Variants in SIAH1 observed in about 807,000 individuals in gnomAD.
SIAH1 encodes E3 ubiquitin-protein ligase SIAH1.
Under a neutral mutation model 20.0 loss-of-function variants are expected in SIAH1, and 2 were observed. The ratio of observed to expected loss-of-function variants is 0.10; its 90% CI spans 0.04 to 0.31. The LOEUF is 0.31. Ranked by LOEUF, SIAH1 falls within the 10% of genes least tolerant of loss-of-function variation. The pLI is 1.00. For missense variants in SIAH1, 119 were observed against 355.3 expected, an observed-to-expected ratio of 0.33 and a Z score of 5.35; for synonymous variants, 118 against 125.3, an observed-to-expected ratio of 0.94 and a Z score of 0.39.
upstream of SIAH1, among the ~76,000 whole-genome samples, chr16:48,386,697 G>A (rs1961475383): frequency 1.3e-5 from 2 of 152,180 alleles, no homozygotes; most frequent in African/African-American, 4.8e-5. Context: ...GGTCAATAGA[G>A]TTCGGTTCAC....
intron 1 of SIAH1, among the ~76,000 whole-genome samples, chr16:48,380,727 T>C (rs1041333859): frequency 2.6e-5 from 4 of 151,244 alleles, no homozygotes; most frequent in South Asian, 2.1e-4. Flanking sequence ...AGTTCGAGAC[T>C]GACCTGGCCA....
rs758711151 is a variant in SIAH1 at position 48,362,655 on chromosome 16, C to T, written c.-2-225G>A. 1.0e-5 allele frequency: 5 copies of T among 493,308 alleles called. No homozygotes were observed. The highest frequency in any genetic ancestry group is 1.9e-5 in the Non-Finnish European group (5 of 269,788). The allele number at this position is 493,308 out of a possible 1,614,324, so 30.6% of individuals were successfully genotyped here. A position where few individuals can be genotyped will look rare whatever the true frequency, so the allele number is the denominator to read the frequency against. On this transcript the variant is annotated intron_variant, in intron 1 of 1. Transcript: ENST00000394725. This position sits in a 1 kb window ranked among gnomAD's most constrained non-coding sequence, Gnocchi z 4.2. ...GATAAGCTCTCTTTTCAAAATGTTC[C>T]GGAAAACATGTGGAACTCCCTTAAT... is the stretch of plus-strand genomic sequence containing the variant.
intron 1 of SIAH1, among the ~76,000 whole-genome samples, chr16:48,366,503 C>T (rs1299732786): frequency 2.6e-5 from 4 of 152,184 alleles, no homozygotes; most frequent in Non-Finnish European, 5.9e-5. Flanking sequence ...CTACTTAAAC[C>T]TCCTAAGAGA....
At position 48,365,138 on chromosome 16, in the gene SIAH1, G is replaced by T. The variant is rs186430788; in HGVS notation, c.-2-2708C>A. On this transcript the variant is annotated intron_variant, in intron 1 of 1. Transcript: ENST00000394725. ...CAAGGGTGGAACCCAGCTCCATCTT[G>T]AAACAGAAAAGGAATCCCAACCACA... 1.7e-3 allele frequency: 734 copies of T among 437,348 alleles called. 2 individuals are homozygous for T. Among genetic ancestry groups the T allele is most frequent in the East Asian group, 1.9e-3 (52 of 27,258 alleles). 27.1% of individuals were successfully genotyped at this position (437,348 alleles called of 1,614,324 possible).
At chr16:48,386,911 G>A (rs1961478850), upstream of SIAH1, 2 of 152,226 alleles carry the variant, frequency 1.3e-5, no homozygotes, top group South Asian at 4.1e-4. Flanking sequence ...TTGCCAACGT[G>A]GCGATTAAAG....
At chr16:48,380,074 C>T (rs1961230757) in intron 1 of SIAH1, among the ~76,000 whole-genome samples, 1 of 152,172 alleles carries the variant, frequency 6.6e-6, no homozygotes, top group Non-Finnish European at 1.5e-5. Flanking sequence ...AGAAGAGAGG[C>T]AATGCCAGCT....
At chr16:48,372,960 C>T (rs891612892) in intron 1 of SIAH1, among the ~76,000 whole-genome samples, 3 of 151,098 alleles carry the variant, frequency 2.0e-5, no homozygotes, top group African/African-American at 7.4e-5. Context: ...TCACTGGGCT[C>T]CTGCCTAATA....
chr16:48,364,698 A>C (rs1960758532), intron 1 of SIAH1, among the ~76,000 whole-genome samples: 1 of 152,084 alleles, frequency 6.6e-6, no homozygotes, highest in Non-Finnish European at 1.5e-5. Context: ...TTGCCAAAAC[A>C]CCCTGGCTGT....
intron 1 of SIAH1, among the ~76,000 whole-genome samples, chr16:48,366,751 A>G (rs1960853466): frequency 6.6e-6 from 1 of 152,240 alleles, no homozygotes; most frequent in Non-Finnish European, 1.5e-5. Context: ...GGAATTGCAG[A>G]TTACCCACTT....
chr16:48,380,901 C>G (rs978389489), intron 1 of SIAH1, among the ~76,000 whole-genome samples: 3 of 108,500 alleles, frequency 2.8e-5, no homozygotes, highest in African/African-American at 1.1e-4. Context: ...TGCACTCCAG[C>G]CTGGGCGACA....
intron 1 of SIAH1, among the ~76,000 whole-genome samples, chr16:48,384,686 G>C (rs1044259136): frequency 1.9e-4 from 28 of 151,068 alleles, no homozygotes; most frequent in Non-Finnish European, 4.0e-4. Flanking sequence ...GAGGCCCGCC[G>C]AGCGGCGCGG....
chr16:48,371,572 A>G (rs1189749905), intron 1 of SIAH1, among the ~76,000 whole-genome samples: 1 of 152,266 alleles, frequency 6.6e-6, no homozygotes, highest in Non-Finnish European at 1.5e-5. Context: ...AGGAAAGAGC[A>G]GAGAAGAGCA....
chr16:48,370,713 G>C (rs1960961950), intron 1 of SIAH1, among the ~76,000 whole-genome samples: 1 of 151,914 alleles, frequency 6.6e-6, no homozygotes. Flanking sequence ...GACTGAGGCA[G>C]GAGAATGGCG....
In SIAH1 at chr16:48,362,319, C is replaced by T; in HGVS notation, c.110G>A (p.Ser37Asn). ...GTTASNNDLA[S>N]LFECPVCFDY... ...AAAGCAGACTGGACACTCAAAAAGA[C>T]TCGCCAAGTCATTGTTGGATGCAGT... The change falls in exon 2 of 2, where the codon AGT becomes AAT. Residue 37 changes from serine to asparagine, a missense_variant. Physicochemically the swap from Ser to Asn is conservative, Grantham distance 46. Around this residue, in one of 2 missense-constraint regions of SIAH1, gnomAD observed 35 missense variants for 47.5 expected, o/e 0.74. Coordinates refer to ENST00000394725, the MANE Select transcript of SIAH1 (RefSeq NM_003031.4). The surrounding 1 kb of genome is among the most constrained non-coding windows in gnomAD (Gnocchi z 4.2). 3 of 1,614,156 alleles carry T rather than the reference C, an allele frequency of 1.9e-6. No homozygotes were observed. Among genetic ancestry groups the T allele is most frequent in the Non-Finnish European group, 2.5e-6 (3 of 1,180,036 alleles).
At chr16:48,382,317 G>A (rs1961318339) in intron 1 of SIAH1, among the ~76,000 whole-genome samples, 1 of 152,038 alleles carries the variant, frequency 6.6e-6, no homozygotes, top group Admixed American at 6.6e-5. Flanking sequence ...AGCCCAGTTG[G>A]AGGCCACAAT....
At chr16:48,380,987 C>T (rs894186316) in intron 1 of SIAH1, among the ~76,000 whole-genome samples, 1 of 147,558 alleles carries the variant, frequency 6.8e-6, no homozygotes, top group African/African-American at 2.5e-5. Context: ...CAAATCCGGC[C>T]GAGGATACAG....
chr16:48,365,201 G>C, intron 1 of SIAH1: 1 of 614,572 alleles, frequency 1.6e-6, no homozygotes. Flanking sequence ...CAGCCCTGCA[G>C]AAGTCATGAC....
In SIAH1 at chr16:48,383,557, C is replaced by A. The variant is rs147975455; in HGVS notation, c.-3+1647G>T. On this transcript the variant is annotated intron_variant, in intron 1 of 1. Transcript: ENST00000394725. ...GATACACACTCAAGTATTCACTGTC[C>A]CACTTTTCTAAGTTGGTTAACTCAA... Among the ~76,000 whole-genome samples, 510 of 152,254 alleles carry A rather than the reference C, an allele frequency of 3.3e-3. 3 individuals carry two copies. Among genetic ancestry groups the A allele is most frequent in the Middle Eastern group, 0.014 (4 of 294 alleles).
intron 1 of SIAH1, among the ~76,000 whole-genome samples, chr16:48,371,994 GGTAA>G (rs1268897561): frequency 6.6e-6 from 1 of 151,592 alleles, no homozygotes; most frequent in East Asian, 1.9e-4. Flanking sequence ...AAATCTGGTA[GGTAA>G]GTATGTATAC....
Sources: gnomAD v4.1 joint callset for allele counts (sites outside exome capture counted in the v4.1 genomes callset) on GRCh38, gnomAD v4.1.1 for gene constraint, gnomAD v4.1.1 regional missense constraint, Gnocchi (gnomAD v3.1) non-coding constraint, MANE v1.5 for transcripts, NCBI Gene and HGNC (gene_info 2026-07-23, HGNC 2026-07-21) for gene names.